The following PDGFRB variants were observed in gnomAD, a reference collection of about 807,000 sequenced individuals.
The protein encoded by PDGFRB is platelet derived growth factor receptor beta, also known as platelet-derived growth factor receptor beta.
PDGFRB carries 42 observed loss-of-function variants against 120.2 expected under a neutral mutation model. That is an observed-to-expected ratio of 0.35 (90% CI 0.27 to 0.45). The LOEUF (loss-of-function observed/expected upper bound fraction) is 0.45. Ranked by LOEUF, PDGFRB falls within the 20% of genes least tolerant of loss-of-function variation. The pLI, the probability that PDGFRB is intolerant of heterozygous loss-of-function variation, is 1.00. For synonymous variants in PDGFRB, 586 were observed against 606.8 expected, an observed-to-expected ratio of 0.97 and a Z score of 0.50; for missense variants, 1,149 against 1,476.3, an observed-to-expected ratio of 0.78 and a Z score of 3.63.
At position 150,120,632 on chromosome 5, in the gene PDGFRB, C is replaced by G. The variant is rs572698557; in HGVS notation, c.2586+256G>C. On this transcript the variant is annotated intron_variant, in intron 18 of 22. Transcript: ENST00000261799. This position sits in a 1 kb window ranked among gnomAD's most constrained non-coding sequence, Gnocchi z 4.3. The stretch of plus-strand genomic sequence containing the variant: ...ACTGGAACAACACATTCGGCCTGTT[C>G]CCCCTTCCCCCACCCTGGACCCATT... Among the ~76,000 whole-genome samples, 1 of 152,212 alleles carries G rather than the reference C, an allele frequency of 6.6e-6. No individual in the cohort carries two copies. Among genetic ancestry groups the G allele is most frequent in the Non-Finnish European group, 1.5e-5 (1 of 68,032 alleles).
At chr5:150,147,369 G>T (rs538908748) in intron 1 of PDGFRB, among the ~76,000 whole-genome samples, 1 of 152,344 alleles carries the variant, frequency 6.6e-6, no homozygotes, top group African/African-American at 2.4e-5. Flanking sequence ...AGACTGAGGA[G>T]GGGGGTGCGG....
intron 1 of PDGFRB, among the ~76,000 whole-genome samples, chr5:150,138,016 C>T (rs1407831968): frequency 6.6e-6 from 1 of 152,124 alleles, no homozygotes; most frequent in African/African-American, 2.4e-5. Flanking sequence ...AGGACAAAGA[C>T]AGAGACAGAA....
chr5:150,118,803 G>C lies in PDGFRB; in HGVS notation c.2848C>G (p.Pro950Ala). 1 of 1,613,714 alleles carries C rather than the reference G, an allele frequency of 6.2e-7. No homozygotes were observed. The highest frequency in any genetic ancestry group is 2.2e-5 in the East Asian group (1 of 44,872). The change falls in exon 21 of 23, where the codon CCC becomes GCC. Residue 950 changes from proline (P) to alanine (A), a missense_variant. This residue lies in a region of PDGFRB where 202 missense variants were observed against 214.3 expected (regional missense o/e 0.94). Coordinates refer to ENST00000261799, the MANE Select transcript of PDGFRB (RefSeq NM_002609.4). ...CWEEKFEIRP[P>A]FSQLVLLLER... ...AGAAGCAGCACCAGCTGGGAGAAGG[G>C]GGGCCGAATCTCAAACTTCTCTTCC...
chr5:150,124,659 G>T, intron 13 of PDGFRB, 68 bp downstream of exon 13: 1 of 766,534 alleles, frequency 1.3e-6, no homozygotes, highest in Non-Finnish European at 2.2e-6. Context: ...CCTGGGAGAG[G>T]CTAAGTGTGT....
intron 1 of PDGFRB, among the ~76,000 whole-genome samples, chr5:150,150,591 C>T (rs1363783832): frequency 2.0e-5 from 3 of 148,388 alleles, no homozygotes; most frequent in Non-Finnish European, 3.0e-5. Flanking sequence ...TGGGCTACCC[C>T]AGGAAGCATC....
intron 2 of PDGFRB, among the ~76,000 whole-genome samples, chr5:150,136,507 T>G (rs1258360382): frequency 6.6e-6 from 1 of 152,086 alleles, no homozygotes; most frequent in Non-Finnish European, 1.5e-5. Flanking sequence ...AGGTGGGCGG[T>G]CAGGCAGCCA....
chr5:150,132,874 T>C lies in PDGFRB; in HGVS notation c.1003A>G (p.Thr335Ala), dbSNP rs371519105. Reference sequence around the variant, plus strand: ...TAGGCCTCGAACACTACCTGCAGTGTCCGGCTCCGATGCAGCTCAGCAAAT... The same window carrying C: ...TAGGCCTCGAACACTACCTGCAGTGCCCGGCTCCGATGCAGCTCAGCAAAT... ...LQFAELHRSRTLQVVFEAYPP... is the reference protein window; with the variant it reads ...LQFAELHRSRALQVVFEAYPP... Residue 335 changes from threonine (T) to alanine (A), a missense_variant, in exon 7 of 23, where the codon ACA becomes GCA. By Grantham distance (58) the Thr-to-Ala change is moderately conservative (BLOSUM62 0). Around this residue, in one of 3 missense-constraint regions of PDGFRB, gnomAD observed 879 missense variants for 1,108.6 expected, o/e 0.79. Coordinates refer to ENST00000261799, the MANE Select transcript of PDGFRB (RefSeq NM_002609.4). This position sits in a 1 kb window ranked among gnomAD's most constrained non-coding sequence, Gnocchi z 5.0. 1.9e-6 allele frequency: 3 copies of C among 1,601,070 alleles called. No homozygotes were observed. Among genetic ancestry groups the C allele is most frequent in the African/African-American group, 1.3e-5 (1 of 74,868 alleles).
In PDGFRB at chr5:150,123,170, G is replaced by T. The variant is rs778948645; in HGVS notation, c.2055C>A (p.Arg685=). 1.2e-5 allele frequency: 19 copies of T among 1,613,658 alleles called. No individual in the cohort carries two copies. Among genetic ancestry groups the T allele is most frequent in the Non-Finnish European group, 1.5e-5 (18 of 1,179,884 alleles). Residue 685 remains arginine, a synonymous_variant, in exon 15 of 23, where the codon CGC becomes CGA. Coordinates refer to ENST00000261799, the MANE Select transcript of PDGFRB (RefSeq NM_002609.4). ...GPIYIITEYC[R]YGDLVDYLHR... Reference sequence around the variant, plus strand: ...GCAGGTAGTCCACCAGGTCTCCGTAGCGGCAGTACTCAGTGATGATATAGA... The same window carrying T: ...GCAGGTAGTCCACCAGGTCTCCGTATCGGCAGTACTCAGTGATGATATAGA...
In PDGFRB at chr5:150,133,939, A is replaced by G; in HGVS notation, c.701T>C (p.Met234Thr). The change falls in exon 5 of 23, where the codon ATG becomes ACG. Residue 234 changes from methionine to threonine, a missense_variant. Physicochemically the swap from Met to Thr is moderately conservative, Grantham distance 81. Transcript: ENST00000261799. The part of the protein sequence containing the change: ...VVRQGENITL[M>T]CIVIGNEVVN... The stretch of plus-strand genomic sequence containing the variant: ...CACCTCATTCCCGATCACAATGCAC[A>G]TGAGGGTGATGTTCTCACCCTGGCG... 2 of 1,613,482 alleles carry G rather than the reference A, an allele frequency of 1.2e-6. No homozygotes were observed. The highest frequency in any genetic ancestry group is 8.5e-7 in the Non-Finnish European group (1 of 1,179,412).
intron 4 of PDGFRB, chr5:150,134,225 T>C (rs915986863): frequency 1.5e-5 from 9 of 586,194 alleles, no homozygotes; most frequent in African/African-American, 3.7e-5. Flanking sequence ...TCTGTTCTTA[T>C]GGAGCTGACG....
intron 1 of PDGFRB, among the ~76,000 whole-genome samples, chr5:150,153,085 G>A (rs1040784076): frequency 6.6e-6 from 1 of 152,212 alleles, no homozygotes; most frequent in African/African-American, 2.4e-5. Context: ...GATGGGATGT[G>A]GGGGGTCTGA....
At position 150,123,165 on chromosome 5, in the gene PDGFRB, CCG is replaced by C; in HGVS notation, c.2058_2059del (p.Tyr686Ter). Reference sequence around the variant, plus strand: ...GCGGTGCAGGTAGTCCACCAGGTCTCCGTAGCGGCAGTACTCAGTGATGATAT... The same window carrying C: ...GCGGTGCAGGTAGTCCACCAGGTCTCTAGCGGCAGTACTCAGTGATGATAT... On this transcript the variant is annotated stop_gained and frameshift_variant, in exon 15 of 23. Transcript: ENST00000261799. LOFTEE classifies it high-confidence loss of function. 6.2e-7 allele frequency: 1 copy of C among 1,613,840 alleles called. No individual in the cohort carries two copies. The highest frequency in any genetic ancestry group is 1.1e-5 in the South Asian group (1 of 91,080).
rs552503070 is a variant in PDGFRB at position 150,135,441 on chromosome 5, G to T, written c.364+114C>A. 546 of 745,760 alleles carry T rather than the reference G, an allele frequency of 7.3e-4. 7 individuals are homozygous for T. The South Asian group carries it at 9.2e-3, about 13-fold the overall frequency. 46.2% of individuals were successfully genotyped at this position (745,760 alleles called of 1,614,324 possible). On this transcript the variant is annotated intron_variant, in intron 3 of 22. Coordinates refer to ENST00000261799, the MANE Select transcript of PDGFRB (RefSeq NM_002609.4). ...AGCCAGGCTGGTTCCATGATTGTCT[G>T]CTTTTCTAGGATGGCTGCATTTCAC...
At chr5:150,124,678 G>T (rs766266115) in intron 13 of PDGFRB, 49 bp downstream of exon 13, 1 of 873,376 alleles carries the variant, frequency 1.1e-6, no homozygotes. Flanking sequence ...GTGGGGAGGG[G>T]CAGGGAGAGG....
chr5:150,123,142 G>T lies in PDGFRB; in HGVS notation c.2083C>A (p.Arg695Ser), dbSNP rs138008832. The T allele has an allele frequency of 9.3e-6, 15 of 1,613,616 alleles. No individual in the cohort carries two copies. In the African/African-American group the frequency reaches 1.7e-4, roughly 19 times the overall value. The change falls in exon 15 of 23, where the codon CGC (arginine) becomes AGC (serine). Residue 695 changes from arginine to serine, a missense_variant. Physicochemically the swap from Arg to Ser is moderately radical, Grantham distance 110. Around this residue, in one of 3 missense-constraint regions of PDGFRB, gnomAD observed 879 missense variants for 1,108.6 expected, o/e 0.79. Transcript: ENST00000261799. The part of the protein sequence containing the change: ...RYGDLVDYLH[R>S]NKHTFLQHHS... ...TGCTGCAGGAAGGTGTGTTTGTTGC[G>T]GTGCAGGTAGTCCACCAGGTCTCCG...
At position 150,132,797 on chromosome 5, in the gene PDGFRB, G is replaced by A. The variant is rs1286894983; in HGVS notation, c.1080C>T (p.Ser360=). Residue 360 remains serine, a synonymous_variant, in exon 7 of 23, where the codon TCC becomes TCT. Coordinates refer to ENST00000261799, the MANE Select transcript of PDGFRB (RefSeq NM_002609.4). This position sits in a 1 kb window ranked among gnomAD's most constrained non-coding sequence, Gnocchi z 5.0. ...WFKDNRTLGD[S]SAGEIALSTR... ...TGGACAGGGCGATTTCGCCAGCGCTGGAGTCGCCCAGGGTGCGGTTGTCTT... is the reference window on the plus strand; with the variant it reads ...TGGACAGGGCGATTTCGCCAGCGCTAGAGTCGCCCAGGGTGCGGTTGTCTT... 6.2e-7 allele frequency: 1 copy of A among 1,612,810 alleles called. No individual in the cohort carries two copies. The highest frequency in any genetic ancestry group is 8.5e-7 in the Non-Finnish European group (1 of 1,179,634).
chr5:150,154,857 G>T (rs188441525), intron 1 of PDGFRB, among the ~76,000 whole-genome samples: 1 of 152,332 alleles, frequency 6.6e-6, no homozygotes, highest in African/African-American at 2.4e-5. Flanking sequence ...AACTTTTCTA[G>T]CTGCTGGGGG....
intron 1 of PDGFRB, among the ~76,000 whole-genome samples, chr5:150,145,061 A>G (rs1469776052): frequency 6.6e-6 from 1 of 150,856 alleles, no homozygotes; most frequent in Non-Finnish European, 1.5e-5. Flanking sequence ...CCACCCTTCC[A>G]CTCCTCCACC....
chr5:150,148,701 G>C (rs961784542), intron 1 of PDGFRB, among the ~76,000 whole-genome samples: 3 of 152,204 alleles, frequency 2.0e-5, no homozygotes, highest in Admixed American at 2.0e-4. Flanking sequence ...TTTCTGGGAG[G>C]GCCAGAGATG....
Sources: allele counts gnomAD v4.1 joint callset (sites outside exome capture counted in the v4.1 genomes callset), GRCh38; gene constraint gnomAD v4.1.1; regional missense constraint gnomAD v4.1.1; non-coding constraint Gnocchi (gnomAD v3.1); transcripts MANE v1.5; gene names NCBI Gene and HGNC (gene_info 2026-07-23, HGNC 2026-07-21).